ADGRB1: variants seen among roughly 807,000 people sequenced by gnomAD.
ADGRB1 encodes the protein adhesion G protein-coupled receptor B1.
In ADGRB1, 36 loss-of-function variants were observed where a neutral mutation model predicts 175.7. That is an observed-to-expected ratio of 0.20 (90% CI 0.16 to 0.27). The LOEUF is 0.27. ADGRB1 is among the 10% of genes least tolerant of loss of function. The pLI is 1.00. For missense variants in ADGRB1, 1,731 were observed against 2,255.3 expected (o/e 0.77, Z 4.71); for synonymous variants, 1,054 against 979.4 (o/e 1.08, Z -1.42).
chr8:142,528,915 C>T (rs770863445), intron 24 of ADGRB1, among the ~76,000 whole-genome samples: 8 of 152,192 alleles, frequency 5.3e-5, no homozygotes, highest in Non-Finnish European at 7.3e-5. Context: ...CTGTGGGCTG[C>T]GCTGCGGTAG....
intron 2 of ADGRB1, among the ~76,000 whole-genome samples, chr8:142,472,225 C>T (rs1170965655): frequency 6.6e-6 from 1 of 152,194 alleles, no homozygotes; most frequent in Non-Finnish European, 1.5e-5. Context: ...CTGTGGGGAG[C>T]TCACAGCCTC....
chr8:142,471,984 C>T lies in ADGRB1; in HGVS notation c.785-3490C>T, dbSNP rs146025387. On this transcript the variant is annotated intron_variant, in intron 2 of 30. Coordinates refer to ENST00000517894, the MANE Select transcript of ADGRB1 (RefSeq NM_001702.3). ...GAGGTGGGGTCATCCCTCGGACACGCTGTGGGTGCCTGGGACCTGGTGGCA... is the reference window on the plus strand; with the variant it reads ...GAGGTGGGGTCATCCCTCGGACACGTTGTGGGTGCCTGGGACCTGGTGGCA... 3.1e-3 allele frequency among the ~76,000 whole-genome samples: 478 copies of T among 152,354 alleles called. 3 individuals carry two copies. The highest frequency in any genetic ancestry group is 0.011 in the African/African-American group (465 of 41,588).
At position 142,502,262 on chromosome 8, in the gene ADGRB1, G is replaced by T. The variant is rs1810352115; in HGVS notation, c.2676-8670G>T. On this transcript the variant is annotated intron_variant, in intron 17 of 30. Transcript: ENST00000517894. ...TGATGGTGGTGGTGCTGGTGGTGATGATGGGGTGGCGGTAATGATTGTGTG... is the reference window on the plus strand; with the variant it reads ...TGATGGTGGTGGTGCTGGTGGTGATTATGGGGTGGCGGTAATGATTGTGTG... Among the ~76,000 whole-genome samples, 3 of 151,084 alleles carry T rather than the reference G, an allele frequency of 2.0e-5. No homozygotes were observed. In the South Asian group the frequency reaches 6.4e-4, roughly 32 times the overall value.
At chr8:142,505,109 C>G (rs930343601) in intron 17 of ADGRB1, among the ~76,000 whole-genome samples, 6 of 152,290 alleles carry the variant, frequency 3.9e-5, no homozygotes, top group Admixed American at 1.3e-4. Context: ...GTCACTGTCC[C>G]CTTGTGTCCC....
chr8:142,470,596 G>A (rs1254102903), intron 2 of ADGRB1, among the ~76,000 whole-genome samples: 1 of 152,046 alleles, frequency 6.6e-6, no homozygotes, highest in Admixed American at 6.6e-5. Flanking sequence ...GTGTGTCCTC[G>A]AGTGTATATC....
chr8:142,506,829 G>A (rs1320267738), intron 17 of ADGRB1, among the ~76,000 whole-genome samples: 1 of 152,210 alleles, frequency 6.6e-6, no homozygotes, highest in Non-Finnish European at 1.5e-5. Flanking sequence ...CCCTCCATCT[G>A]TCCTGCTAAA....
chr8:142,478,486 T>C, intron 7 of ADGRB1, 126 bp downstream of exon 7: 1 of 1,135,912 alleles, frequency 8.8e-7, no homozygotes, highest in African/African-American at 1.6e-5. Context: ...GGGAGTGGGG[T>C]GCACAGTGGG....
intron 1 of ADGRB1, among the ~76,000 whole-genome samples, chr8:142,459,477 A>G (rs962353464): frequency 1.3e-5 from 2 of 152,094 alleles, no homozygotes; most frequent in African/African-American, 4.8e-5. Context: ...CCCTTTCTCC[A>G]AGGCCGTGAC....
At chr8:142,473,992 C>T (rs55731933) in intron 2 of ADGRB1, among the ~76,000 whole-genome samples, 32,808 of 152,200 alleles carry the variant, frequency 0.22, 3,892 homozygotes, top group African/African-American at 0.31. Context: ...TGCCACACGC[C>T]GTCCTCTCAT....
chr8:142,479,325 G>A lies in ADGRB1; in HGVS notation c.1564G>A (p.Asp522Asn). 6.6e-7 allele frequency: 1 copy of A among 1,508,418 alleles called. No individual in the cohort carries two copies. The highest frequency in any genetic ancestry group is 8.8e-7 in the Non-Finnish European group (1 of 1,133,744). 93.4% of individuals were successfully genotyped at this position (1,508,418 alleles called of 1,614,324 possible). ...CTGTGTCTGGCCACGCCCCGCAGTG[G>A]ATGGCAAGTGGCAGGCCTGGGCGTC... The part of the protein sequence containing the change: ...RDCFLQQCPV[D>N]GKWQAWASWG... Residue 522 changes from aspartate to asparagine, a missense_variant and splice_region_variant, in exon 8 of 31, where the codon GAT becomes AAT. By Grantham distance (23) the Asp-to-Asn change is conservative. Coordinates refer to ENST00000517894, the MANE Select transcript of ADGRB1 (RefSeq NM_001702.3).
At chr8:142,482,074 CCAA>C (rs1841374165) in intron 11 of ADGRB1, among the ~76,000 whole-genome samples, 2 of 149,056 alleles carry the variant, frequency 1.3e-5, no homozygotes, top group Admixed American at 1.3e-4. Context: ...ATGCTGAGCC[CCAA>C]CCCTGGTCAC....
At chr8:142,453,322 C>T (rs982363233) in intron 1 of ADGRB1, among the ~76,000 whole-genome samples, 4 of 152,248 alleles carry the variant, frequency 2.6e-5, no homozygotes, top group South Asian at 2.1e-4. Flanking sequence ...AGGATTTAGT[C>T]AAACCCCGTT....
At chr8:142,524,110 AAGGC>A in intron 22 of ADGRB1, 124 bp from the exon 23 acceptor site, 1 of 1,028,562 alleles carries the variant, frequency 9.7e-7, no homozygotes, top group South Asian at 1.4e-5. Context: ...CTGCATGCCG[AAGGC>A]GCTTAATAAG....
intron 3 of ADGRB1, 135 bp from the exon 4 acceptor site, chr8:142,476,450 C>A (rs1290123649): frequency 1.3e-6 from 1 of 745,066 alleles, no homozygotes; most frequent in Non-Finnish European, 2.3e-6. Flanking sequence ...CCAGGCTGGG[C>A]ACTCTGGTCC....
Position 142,464,953 on chromosome 8 carries a change from C to T in ADGRB1, c.755C>T (p.Thr252Ile). Reference sequence around the variant, plus strand: ...CCTGAAAACTGCCTCACCAGCCTGACCCAGGACCGGGGCGGGCACGGCGCC... The same window carrying T: ...CCTGAAAACTGCCTCACCAGCCTGATCCAGGACCGGGGCGGGCACGGCGCC... The part of the protein sequence containing the change: ...GGPENCLTSL[T>I]QDRGGHGATG... The change falls in exon 2 of 31, where the codon ACC (threonine) becomes ATC (isoleucine). Residue 252 changes from threonine (T) to isoleucine (I), a missense_variant. Transcript: ENST00000517894. The T allele has an allele frequency of 6.6e-7, 1 of 1,526,240 alleles. No individual in the cohort carries two copies. Among genetic ancestry groups the T allele is most frequent in the Non-Finnish European group, 8.8e-7 (1 of 1,141,960 alleles). 94.5% of individuals were successfully genotyped at this position (1,526,240 alleles called of 1,614,324 possible). A position where few individuals can be genotyped will look rare whatever the true frequency, so the allele number is the denominator to read the frequency against.
intron 2 of ADGRB1, among the ~76,000 whole-genome samples, chr8:142,468,595 C>A (rs918220697): frequency 7.9e-5 from 12 of 152,218 alleles, no homozygotes; most frequent in Middle Eastern, 3.2e-3. Context: ...GCCAGAGGCA[C>A]CTGCACGGGA....
intron 17 of ADGRB1, among the ~76,000 whole-genome samples, chr8:142,496,618 G>A (rs1230079672): frequency 2.0e-5 from 3 of 152,210 alleles, no homozygotes; most frequent in Non-Finnish European, 2.9e-5. Context: ...TTTAAAAAAT[G>A]TAAATAACCC....
chr8:142,456,522 C>T (rs1416360101), intron 1 of ADGRB1, among the ~76,000 whole-genome samples: 4 of 151,876 alleles, frequency 2.6e-5, no homozygotes, highest in Non-Finnish European at 1.5e-5. Flanking sequence ...CCCACTCGCT[C>T]ACACACACAC....
intron 27 of ADGRB1, among the ~76,000 whole-genome samples, chr8:142,540,582 C>T (rs1194837950): frequency 6.6e-6 from 1 of 152,168 alleles, no homozygotes; most frequent in Non-Finnish European, 1.5e-5. Flanking sequence ...GGGAGCTTGG[C>T]TTTTATTGTG....
Sources: allele counts gnomAD v4.1 joint callset (sites outside exome capture counted in the v4.1 genomes callset), GRCh38; gene constraint gnomAD v4.1.1; transcripts MANE v1.5; gene names NCBI Gene and HGNC (gene_info 2026-07-23, HGNC 2026-07-21).